Variants in RANGAP1 observed in about 807,000 individuals in gnomAD.
RANGAP1 encodes Ran GTPase activating protein 1, also known as ran GTPase-activating protein 1.
A neutral mutation model predicts 63.5 loss-of-function variants in RANGAP1; 38 were observed. The observed-to-expected ratio is 0.60, with a 90% CI of 0.46 to 0.78. The LOEUF (loss-of-function observed/expected upper bound fraction) is 0.78. Ranked by LOEUF, RANGAP1 falls within the 30% of genes least tolerant of loss-of-function variation. The probability of loss-of-function intolerance (pLI) is 0.00; values close to 1 mark genes in which losing one functional copy is unlikely to be tolerated. For synonymous variants in RANGAP1, 329 were observed against 310.5 expected (o/e 1.06, Z -0.63); for missense variants, 630 against 740.3 (o/e 0.85, Z 1.73).
intron 1 of RANGAP1, among the ~76,000 whole-genome samples, chr22:41,282,740 A>G (rs894934958): frequency 6.6e-6 from 1 of 152,224 alleles, no homozygotes; most frequent in African/African-American, 2.4e-5. Context: ...CTGCCTATAA[A>G]TTGAAGCCAG....
At chr22:41,250,411 C>G (rs1183444337) in intron 13 of RANGAP1, among the ~76,000 whole-genome samples, 1 of 152,236 alleles carries the variant, frequency 6.6e-6, no homozygotes, top group African/African-American at 2.4e-5. Context: ...CCTCAGGGCC[C>G]TTCCTCCCCT....
intron 11 of RANGAP1, 47 bp downstream of exon 11, chr22:41,254,261 C>T (rs749894440): frequency 3.1e-6 from 5 of 1,609,328 alleles, no homozygotes; most frequent in Non-Finnish European, 3.4e-6. Context: ...CGGGATTTCA[C>T]GTTCTCAGGA....
chr22:41,268,116 G>A lies in RANGAP1; in HGVS notation c.281C>T (p.Thr94Ile). 6.4e-7 allele frequency: 1 copy of A among 1,559,258 alleles called. No individual in the cohort carries two copies. The highest frequency in any genetic ancestry group is 8.7e-7 in the Non-Finnish European group (1 of 1,150,764). ...GCTTACCAGGGCTGGTGGGATCTCG[G>A]TCCGCAGCCTTCCCGTGAACATGTC... is the stretch of plus-strand genomic sequence containing the variant. The part of the protein sequence containing the change: ...WSDMFTGRLR[T>I]EIPPALISLG... Residue 94 changes from threonine (T) to isoleucine (I), a missense_variant, in exon 4 of 16, where the codon ACC (threonine) becomes ATC (isoleucine). Around this residue, in one of 3 missense-constraint regions of RANGAP1, gnomAD observed 137 missense variants for 214.3 expected, o/e 0.64. Coordinates refer to ENST00000356244, the MANE Select transcript of RANGAP1 (RefSeq NM_002883.4).
At chr22:41,284,185 T>C (rs1383733293) in intron 1 of RANGAP1, among the ~76,000 whole-genome samples, 1 of 151,578 alleles carries the variant, frequency 6.6e-6, no homozygotes, top group Non-Finnish European at 1.5e-5. Flanking sequence ...AGGTGGAGCT[T>C]GCAGTGAGCT....
At chr22:41,290,993 G>A (rs2035832159), upstream of RANGAP1, among the ~76,000 whole-genome samples, 2 of 152,216 alleles carry the variant, frequency 1.3e-5, no homozygotes, top group Admixed American at 1.3e-4. Context: ...CTCCACTGGT[G>A]GGAGTGGGTT....
At position 41,252,900 on chromosome 22, in the gene RANGAP1, G is replaced by A. The variant is rs768700631; in HGVS notation, c.1352C>T (p.Pro451Leu). ...PSPEKLLRLG[P>L]KSSVLIAQQT... ...CTGGGCTATCAGCACGGAGCTCTTG[G>A]GCCCTAGGCGCAGCAGCTTCTCTGG... The change falls in exon 12 of 16, where the codon CCC (proline) becomes CTC (leucine). Residue 451 changes from proline (P) to leucine (L), a missense_variant. Around this residue, in one of 3 missense-constraint regions of RANGAP1, gnomAD observed 428 missense variants for 465.5 expected, o/e 0.92. Coordinates refer to ENST00000356244, the MANE Select transcript of RANGAP1 (RefSeq NM_002883.4). 1.9e-6 allele frequency: 3 copies of A among 1,573,910 alleles called. No homozygotes were observed. The highest frequency in any genetic ancestry group is 1.4e-5 in the African/African-American group (1 of 71,302).
intron 7 of RANGAP1, 65 bp from the exon 8 acceptor site, chr22:41,256,889 CG>C: frequency 3.7e-6 from 5 of 1,366,268 alleles, no homozygotes; most frequent in South Asian, 1.2e-5. Flanking sequence ...CAGCAAGCCC[CG>C]GGGGCCCCAC....
intron 2 of RANGAP1, among the ~76,000 whole-genome samples, chr22:41,275,137 T>C (rs991504918): frequency 2.0e-5 from 3 of 152,098 alleles, no homozygotes; most frequent in African/African-American, 7.2e-5. Flanking sequence ...TGTGGGGTGT[T>C]TGTCCACTAC....
the RANGAP1 span, among the ~76,000 whole-genome samples, chr22:41,291,368 T>A: frequency 6.9e-6 from 1 of 144,960 alleles, no homozygotes; most frequent in Non-Finnish European, 1.5e-5. Flanking sequence ...GAGGCCGAGG[T>A]GGGCAGATCA....
chr22:41,269,894 A>C (rs969301876), intron 3 of RANGAP1, among the ~76,000 whole-genome samples: 2 of 152,002 alleles, frequency 1.3e-5, no homozygotes, highest in African/African-American at 2.4e-5. Flanking sequence ...AGTGCAGTGG[A>C]GCAATCTCGG....
In RANGAP1 at chr22:41,251,086, C is replaced by A; in HGVS notation, c.1404G>T (p.Lys468Asn). 1 of 1,614,106 alleles carries A rather than the reference C, an allele frequency of 6.2e-7. No individual in the cohort carries two copies. The highest frequency in any genetic ancestry group is 8.5e-7 in the Non-Finnish European group (1 of 1,180,024). ...ACACCTTTAGGAAGGCAGAGACCAC[C>A]TTCTCGGGGTCAGACGTGTCAGTCT... ...AQQTDTSDPE[K>N]VVSAFLKVSS... The change falls in exon 13 of 16, where the codon AAG (lysine) becomes AAT (asparagine). Residue 468 changes from lysine to asparagine, a missense_variant. Lys to Asn is a moderately conservative substitution (Grantham distance 94). Transcript: ENST00000356244.
chr22:41,301,240 G>A, the RANGAP1 span, among the ~76,000 whole-genome samples: 2 of 152,198 alleles, frequency 1.3e-5, no homozygotes, highest in African/African-American at 2.4e-5. Context: ...AAGGGGGGCG[G>A]GGGGACTTTT....
intron 3 of RANGAP1, among the ~76,000 whole-genome samples, chr22:41,269,118 C>A (rs1049339184): frequency 1.3e-5 from 2 of 152,028 alleles, no homozygotes; most frequent in African/African-American, 4.8e-5. Flanking sequence ...CTCACTCTGT[C>A]GCCTAGGCTG....
At chr22:41,254,622 C>T (rs774064097) in intron 10 of RANGAP1, 128 bp from the exon 11 acceptor site, 5 of 1,482,902 alleles carry the variant, frequency 3.4e-6, no homozygotes, top group South Asian at 2.8e-5. Context: ...GGTGGGAGCA[C>T]CTGCTCCCAG....
intron 12 of RANGAP1, among the ~76,000 whole-genome samples, chr22:41,252,160 G>A (rs1300760811): frequency 1.3e-5 from 2 of 151,944 alleles, no homozygotes; most frequent in African/African-American, 2.4e-5. Flanking sequence ...GTGAAACCTC[G>A]TCTCTACTAA....
intron 2 of RANGAP1, among the ~76,000 whole-genome samples, chr22:41,277,668 G>A (rs1407819953): frequency 7.2e-5 from 11 of 152,112 alleles, no homozygotes; most frequent in Admixed American, 7.2e-4. Flanking sequence ...TCCCTGGTTG[G>A]GCCAGAACCC....
chr22:41,266,792 C>A lies in RANGAP1; in HGVS notation c.300+1305G>T, dbSNP rs188506815. Among the ~76,000 whole-genome samples the A allele has an allele frequency of 1.0e-3, 159 of 152,330 alleles. 1 individual carries two copies. The highest frequency in any genetic ancestry group is 3.6e-3 in the African/African-American group (150 of 41,578). ...CAGGTGATCCACGTGCACCGCCCCCCACCTTGGCCTCCCAAAATGCTGGGA... is the reference window on the plus strand; with the variant it reads ...CAGGTGATCCACGTGCACCGCCCCCAACCTTGGCCTCCCAAAATGCTGGGA... On this transcript the variant is annotated intron_variant, in intron 4 of 15. Transcript: ENST00000356244.
the RANGAP1 span, among the ~76,000 whole-genome samples, chr22:41,300,677 G>A: frequency 3.3e-5 from 5 of 150,552 alleles, no homozygotes; most frequent in Non-Finnish European, 7.4e-5. Context: ...CACCACGTTG[G>A]CTAGTCTGGT....
chr22:41,256,415 G>A, intron 8 of RANGAP1, 125 bp from the exon 9 acceptor site: 1 of 908,928 alleles, frequency 1.1e-6, no homozygotes, highest in Non-Finnish European at 1.7e-6. Context: ...GGGCAAAGTG[G>A]GCAGGAAGAA....
Sources: gnomAD v4.1 joint callset for allele counts (sites outside exome capture counted in the v4.1 genomes callset) on GRCh38, gnomAD v4.1.1 for gene constraint, gnomAD v4.1.1 regional missense constraint, MANE v1.5 for transcripts, NCBI Gene and HGNC (gene_info 2026-07-23, HGNC 2026-07-21) for gene names.